RELN: variants seen among roughly 807,000 people sequenced by gnomAD.
RELN encodes reelin.
RELN carries 108 observed loss-of-function variants against 427.6 expected under a neutral mutation model. The ratio of observed to expected loss-of-function variants is 0.25; its 90% confidence interval spans 0.22 to 0.30. The LOEUF (loss-of-function observed/expected upper bound fraction) is 0.30. RELN is among the 10% of genes least tolerant of loss of function. The pLI is 1.00. For synonymous variants in RELN, 1,524 were observed against 1,513.4 expected, an observed-to-expected ratio of 1.01 and a Z score of -0.16; for missense variants, 3,715 against 4,302.8, an observed-to-expected ratio of 0.86 and a Z score of 3.82.
intron 2 of RELN, among the ~76,000 whole-genome samples, chr7:103,870,242 G>A (rs866141975): frequency 2.0e-5 from 3 of 151,992 alleles, no homozygotes; most frequent in Admixed American, 6.6e-5. Context: ...GCCATCTCAG[G>A]ACTGGTTTCT....
At chr7:103,760,705 G>A (rs551465698) in intron 4 of RELN, among the ~76,000 whole-genome samples, 1 of 152,186 alleles carries the variant, frequency 6.6e-6, no homozygotes, top group East Asian at 1.9e-4. Flanking sequence ...CAGGTATTAT[G>A]TTACAGGGAC....
At chr7:103,794,936 A>C (rs1792263362) in intron 3 of RELN, among the ~76,000 whole-genome samples, 1 of 152,222 alleles carries the variant, frequency 6.6e-6, no homozygotes, top group African/African-American at 2.4e-5. Context: ...TTCAATATTT[A>C]CACAGAACAT....
chr7:103,842,577 T>C (rs1014235389), intron 2 of RELN, among the ~76,000 whole-genome samples: 2 of 152,196 alleles, frequency 1.3e-5, no homozygotes, highest in African/African-American at 2.4e-5. Context: ...ATGAAAACAA[T>C]AGCTCTTAAG....
intron 1 of RELN, among the ~76,000 whole-genome samples, chr7:103,945,022 T>C (rs992029707): frequency 6.6e-6 from 1 of 152,168 alleles, no homozygotes; most frequent in African/African-American, 2.4e-5. Context: ...CGGATGTCCT[T>C]GTAGTTCTAC....
rs1584440742 is a variant in RELN, at chr7:103,728,417, T to C, written c.657-210A>G. ...TCTCAATTCTTTCAGTTACTTACAG[T>C]GGTGGGTAAGTTACTTAACCTTCCA... is the stretch of plus-strand genomic sequence containing the variant. On this transcript the variant is annotated intron_variant, in intron 6 of 64. Coordinates refer to ENST00000428762, the MANE Select transcript of RELN (RefSeq NM_005045.4). Among the ~76,000 whole-genome samples the C allele has an allele frequency of 2.0e-5, 3 of 152,284 alleles. 1 individual carries two copies. The highest frequency in any genetic ancestry group is 7.2e-5 in the African/African-American group (3 of 41,574).
chr7:103,546,532 C>A (rs1286930129), intron 41 of RELN, among the ~76,000 whole-genome samples: 1 of 152,034 alleles, frequency 6.6e-6, no homozygotes, highest in Admixed American at 6.5e-5. Context: ...AATTGATGGA[C>A]CTTATGGTAA....
At chr7:103,945,744 G>A (rs1796207861) in intron 1 of RELN, among the ~76,000 whole-genome samples, 1 of 152,146 alleles carries the variant, frequency 6.6e-6, no homozygotes, top group African/African-American at 2.4e-5. Flanking sequence ...CCTCATATAC[G>A]GCAATGGTCC....
chr7:103,550,674 A>G (rs1830390901), intron 41 of RELN, among the ~76,000 whole-genome samples: 1 of 147,934 alleles, frequency 6.8e-6, no homozygotes, highest in African/African-American at 2.5e-5. Flanking sequence ...TATGCTCCCT[A>G]TATACACTCT....
rs534656014 is a variant in RELN at position 103,753,575 on chromosome 7, G to T, written c.545-361C>A. Among the ~76,000 whole-genome samples the T allele has an allele frequency of 2.0e-5, 3 of 152,156 alleles. No homozygotes were observed. In the South Asian group the frequency reaches 6.2e-4, roughly 32 times the overall value. The stretch of plus-strand genomic sequence containing the variant: ...TATACATTCTCTCACCAGTATCACA[G>T]TGCATATGAACAAGCCAAATCTGAA... On this transcript the variant is annotated intron_variant, in intron 4 of 64. Coordinates refer to ENST00000428762, the MANE Select transcript of RELN (RefSeq NM_005045.4).
intron 2 of RELN, among the ~76,000 whole-genome samples, chr7:103,879,688 ATT>A (rs1013547342): frequency 6.6e-6 from 1 of 151,986 alleles, no homozygotes; most frequent in Non-Finnish European, 1.5e-5. Flanking sequence ...CATTTTCATC[ATT>A]TTGCAGTTTC....
At chr7:103,897,449 A>T (rs1003297785) in intron 2 of RELN, among the ~76,000 whole-genome samples, 1 of 151,976 alleles carries the variant, frequency 6.6e-6, no homozygotes, top group African/African-American at 2.4e-5. Context: ...TCACATGTGT[A>T]TTTATGTGGT....
rs886837318 is a variant in RELN at position 103,780,431 on chromosome 7, T to C, written c.474-3804A>G. On this transcript the variant is annotated intron_variant, in intron 3 of 64. Coordinates refer to ENST00000428762, the MANE Select transcript of RELN (RefSeq NM_005045.4). ...CATTTATTTTAAGTTCTGGGGTACA[T>C]GTGCAGGTTTGTTACACAGGTAAAC... Among the ~76,000 whole-genome samples the C allele has an allele frequency of 2.6e-5, 4 of 152,354 alleles. No homozygotes were observed. The East Asian group carries it at 7.7e-4, about 29-fold the overall frequency.
chr7:103,584,231 G>T (rs189341170), intron 28 of RELN, among the ~76,000 whole-genome samples: 4 of 152,162 alleles, frequency 2.6e-5, no homozygotes, highest in African/African-American at 4.8e-5. Context: ...AGCCTTGAAC[G>T]TAATGGGCTA....
intron 18 of RELN, 117 bp from the exon 19 acceptor site, chr7:103,635,703 T>C (rs1832565055): frequency 3.7e-6 from 3 of 811,160 alleles, no homozygotes; most frequent in Non-Finnish European, 6.1e-6. Context: ...TACAAAATGT[T>C]AAGTAATTTC....
At chr7:103,545,094 G>A (rs761714353) in intron 42 of RELN, 30 bp downstream of exon 42, 1 of 1,557,948 alleles carries the variant, frequency 6.4e-7, no homozygotes, top group Non-Finnish European at 8.8e-7. Flanking sequence ...TCTTTCACAA[G>A]ACTACATAGA....
At chr7:103,490,558 G>A (rs1828615439) in intron 59 of RELN, 110 bp downstream of exon 59, 1 of 1,170,148 alleles carries the variant, frequency 8.5e-7, no homozygotes, top group Non-Finnish European at 1.3e-6. Flanking sequence ...GAGGGCACCA[G>A]GGCTGCATGT....
At chr7:103,869,254 G>GA (rs1260162015) in intron 2 of RELN, among the ~76,000 whole-genome samples, 4 of 152,082 alleles carry the variant, frequency 2.6e-5, no homozygotes, top group Non-Finnish European at 5.9e-5. Flanking sequence ...ACATTTTAAT[G>GA]TTGTTTTTCT....
intron 6 of RELN, among the ~76,000 whole-genome samples, chr7:103,728,722 C>T (rs1169866063): frequency 2.0e-5 from 3 of 152,088 alleles, no homozygotes; most frequent in Non-Finnish European, 4.4e-5. Flanking sequence ...ACATTTTAAA[C>T]ATTTTTCTTT....
At chr7:103,793,806 AC>A (rs1158613370) in intron 3 of RELN, among the ~76,000 whole-genome samples, 3 of 152,130 alleles carry the variant, frequency 2.0e-5, no homozygotes, top group East Asian at 1.9e-4. Flanking sequence ...TTGCTTTGTC[AC>A]CCAGGCTAAA....
Sources: allele counts gnomAD v4.1 joint callset (sites outside exome capture counted in the v4.1 genomes callset), GRCh38; gene constraint gnomAD v4.1.1; transcripts MANE v1.5; gene names NCBI Gene and HGNC (gene_info 2026-07-23, HGNC 2026-07-21).